The following MICALL2 variants were observed in gnomAD, a reference collection of about 807,000 sequenced individuals.
MICALL2 encodes MICAL-like protein 2.
In MICALL2, 111 loss-of-function variants were observed where a neutral mutation model predicts 91.1. The observed-to-expected ratio is 1.22, with a 90% CI of 1.04 to 1.43. The LOEUF (loss-of-function observed/expected upper bound fraction) is 1.43. MICALL2 is among the 40% of genes most tolerant of loss of function. The pLI is 0.00. For synonymous variants in MICALL2, 694 were observed against 525.3 expected (o/e 1.32, Z -4.39); for missense variants, 1,556 against 1,236.0 (o/e 1.26, Z -3.88).
At chr7:1,439,240 G>C in intron 9 of MICALL2, 2 of 520,342 alleles carry the variant, frequency 3.8e-6, no homozygotes, top group Non-Finnish European at 6.9e-6. Flanking sequence ...AGTGGCACGA[G>C]AGCTGGATAT....
At chr7:1,448,573 T>TG (rs772621240) in intron 3 of MICALL2, 47 bp downstream of exon 3, 1 of 1,603,576 alleles carries the variant, frequency 6.2e-7, no homozygotes, top group Non-Finnish European at 8.5e-7. Context: ...AGGCCAAGGA[T>TG]GGGGGGCCTG....
intron 2 of MICALL2, 85 bp downstream of exon 2, chr7:1,450,155 G>A: frequency 9.5e-7 from 1 of 1,052,682 alleles, no homozygotes; most frequent in African/African-American, 1.6e-5. Flanking sequence ...GCAGGGCCTG[G>A]GGGGAGTCCC....
chr7:1,438,958 G>A lies in MICALL2; in HGVS notation c.2004C>T (p.Ala668=), dbSNP rs145619232. 2.7e-5 allele frequency: 44 copies of A among 1,602,130 alleles called. No individual in the cohort carries two copies. Among genetic ancestry groups the A allele is most frequent in the Non-Finnish European group, 3.2e-5 (38 of 1,179,100 alleles). ...CACAAACGTCGAGGCTGGCAGGGACGGCCAGTCTCCTGCGGCGGGGTGGGG... is the reference window on the plus strand; with the variant it reads ...CACAAACGTCGAGGCTGGCAGGGACAGCCAGTCTCCTGCGGCGGGGTGGGG... The part of the protein sequence containing the change: ...SPSPPRRRRL[A]VPASLDVCDN... The change falls in exon 10 of 17, where the codon GCC becomes GCT. Residue 668 remains alanine, a synonymous_variant. Coordinates refer to ENST00000297508, the MANE Select transcript of MICALL2 (RefSeq NM_182924.4).
At chr7:1,439,493 CGT>C in intron 9 of MICALL2, 1 of 196,328 alleles carries the variant, frequency 5.1e-6, no homozygotes. Context: ...ACATGCATCA[CGT>C]GTGGGCACAC....
intron 2 of MICALL2, 35 bp from the exon 3 acceptor site, chr7:1,448,796 G>C: frequency 6.2e-7 from 1 of 1,608,694 alleles, no homozygotes; most frequent in Non-Finnish European, 8.5e-7. Context: ...CGGGGCAGCT[G>C]GGAGCCCCCT....
chr7:1,447,412 G>A (rs1215714850), intron 4 of MICALL2, among the ~76,000 whole-genome samples, 163 bp downstream of exon 4: 1 of 152,178 alleles, frequency 6.6e-6, no homozygotes, highest in Non-Finnish European at 1.5e-5. Context: ...GCCCTGGAGA[G>A]CCCGGTCCTG....
chr7:1,448,514 G>A, intron 3 of MICALL2, 106 bp downstream of exon 3: 4 of 857,572 alleles, frequency 4.7e-6, no homozygotes, highest in East Asian at 2.8e-5. Context: ...GGCCATTCTT[G>A]GGGGGGGGGC....
chr7:1,437,745 G>GC, intron 13 of MICALL2, 137 bp from the exon 14 acceptor site: 1 of 1,230,164 alleles, frequency 8.1e-7, no homozygotes, highest in Non-Finnish European at 1.2e-6. Flanking sequence ...CCCCCGCCTG[G>GC]CCCACCCAGA....
chr7:1,439,351 TCAC>T, intron 9 of MICALL2: 1 of 255,522 alleles, frequency 3.9e-6, no homozygotes, highest in Non-Finnish European at 7.5e-6. Context: ...CACACATGCA[TCAC>T]ATTCATGAAA....
intron 1 of MICALL2, 143 bp from the exon 2 acceptor site, chr7:1,450,431 A>C: frequency 1.4e-6 from 1 of 701,088 alleles, no homozygotes; most frequent in Non-Finnish European, 2.6e-6. Flanking sequence ...ACAGGACCAC[A>C]GGTGGGCAGA....
At position 1,435,977 on chromosome 7, in the gene MICALL2, T is replaced by G. The variant is rs1043793405; in HGVS notation, c.2591+765A>C. Among the ~76,000 whole-genome samples the G allele has an allele frequency of 4.0e-5, 6 of 149,732 alleles. No individual in the cohort carries two copies. In the South Asian group the frequency reaches 8.4e-4, roughly 21 times the overall value. The stretch of plus-strand genomic sequence containing the variant: ...TGAGGCAGGAGAATGGCATGAACCC[T>G]GGAGGCAGAGCTTGCAGTGAGCCGA... On this transcript the variant is annotated intron_variant, in intron 15 of 16. Transcript: ENST00000297508.
At chr7:1,440,185 A>G in intron 8 of MICALL2, 100 bp from the exon 9 acceptor site, 3 of 1,459,198 alleles carry the variant, frequency 2.1e-6, no homozygotes, top group Middle Eastern at 4.8e-4. Flanking sequence ...CGGAGGGAGC[A>G]GGTGGCCTTC....
chr7:1,446,944 G>T lies in MICALL2; in HGVS notation c.526-116C>A, dbSNP rs1223699765. The T allele has an allele frequency of 4.1e-6, 3 of 740,616 alleles. No homozygotes were observed. In the African/African-American group the frequency reaches 5.3e-5, roughly 13 times the overall value. The allele number at this position is 740,616 out of a possible 1,614,324, so 45.9% of individuals were successfully genotyped here. On this transcript the variant is annotated intron_variant, in intron 4 of 16. Coordinates refer to ENST00000297508, the MANE Select transcript of MICALL2 (RefSeq NM_182924.4). ...ACAGATGGAGAACTGGCCAGGAGAGGAGCCGCCAGCAGGGCTGCGGTCGGG... is the reference window on the plus strand; with the variant it reads ...ACAGATGGAGAACTGGCCAGGAGAGTAGCCGCCAGCAGGGCTGCGGTCGGG...
Position 1,447,724 on chromosome 7 carries a change from C to T in MICALL2, c.376G>A (p.Glu126Lys), listed in dbSNP as rs775711093. The change falls in exon 4 of 17, where the codon GAG becomes AAG. Residue 126 changes from glutamate (E) to lysine (K), a missense_variant. Physicochemically the swap from Glu to Lys is moderately conservative, Grantham distance 56 (BLOSUM62 1). Coordinates refer to ENST00000297508, the MANE Select transcript of MICALL2 (RefSeq NM_182924.4). ...GCCTTCTTCCCTGACGGCTCCTCCTCAGAGTCCTCCGAGGCCCTCTTCACG... is the reference window on the plus strand; with the variant it reads ...GCCTTCTTCCCTGACGGCTCCTCCTTAGAGTCCTCCGAGGCCCTCTTCACG... ...AGVKRASEDS[E>K]EEPSGKKAPV... 3.2e-5 allele frequency: 50 copies of T among 1,573,152 alleles called. 1 individual carries two copies. Among genetic ancestry groups the T allele is most frequent in the Non-Finnish European group, 4.2e-5 (49 of 1,160,276 alleles).
rs1189216388 is a variant in MICALL2 at position 1,451,217 on chromosome 7, C to T, written c.144-929G>A. ...GAGGACAGCCCCACGTGACCTCCAG[C>T]TGGTCCTGGGACTCCTGATGGGCAC... On this transcript the variant is annotated intron_variant, in intron 1 of 16. Transcript: ENST00000297508. The surrounding 1 kb of genome is among the most constrained non-coding windows in gnomAD (Gnocchi z 4.5). 6.6e-6 allele frequency among the ~76,000 whole-genome samples: 1 copy of T among 152,164 alleles called. No individual in the cohort carries two copies. Among genetic ancestry groups the T allele is most frequent in the Non-Finnish European group, 1.5e-5 (1 of 68,026 alleles).
At chr7:1,447,938 G>GTCCCCACTCCTTCCC (rs1406963028) in intron 3 of MICALL2, 173 bp from the exon 4 acceptor site, 2 of 469,434 alleles carry the variant, frequency 4.3e-6, no homozygotes, top group Non-Finnish European at 7.4e-6. Flanking sequence ...CCCCGGGTCG[G>GTCCCCACTCCTTCCC]TCCCCACTCC....
rs751696645 is a variant in MICALL2 at position 1,440,567 on chromosome 7, G to A, written c.1805+24C>T. Reference sequence around the variant, plus strand: ...AAGCACCTATGGTGTACCAGGCCCTGGGCCAGCCCCACCCATCCCTAACCT... The same window carrying A: ...AAGCACCTATGGTGTACCAGGCCCTAGGCCAGCCCCACCCATCCCTAACCT... On this transcript the variant is annotated intron_variant, in intron 8 of 16. Coordinates refer to ENST00000297508, the MANE Select transcript of MICALL2 (RefSeq NM_182924.4). The A allele has an allele frequency of 4.4e-6, 7 of 1,602,572 alleles. No individual in the cohort carries two copies. In the South Asian group the frequency reaches 5.5e-5, roughly 13 times the overall value.
At position 1,457,375 on chromosome 7, in the gene MICALL2, G is replaced by A. The variant is rs76708984; in HGVS notation, c.143+1809C>T. 3.7e-4 allele frequency among the ~76,000 whole-genome samples: 57 copies of A among 152,288 alleles called. No homozygotes were observed. The East Asian group carries it at 9.3e-3, about 25-fold the overall frequency. On this transcript the variant is annotated intron_variant, in intron 1 of 16. Transcript: ENST00000297508. ...CAGCTTGGGTAACTCCACACCCACC[G>A]GAGCTGGGGGCAGAGGGCCTCCTCT...
chr7:1,451,098 G>A lies in MICALL2; in HGVS notation c.144-810C>T, dbSNP rs1001902651. 2.6e-5 allele frequency among the ~76,000 whole-genome samples: 4 copies of A among 152,206 alleles called. No individual in the cohort carries two copies. The South Asian group carries it at 6.2e-4, about 24-fold the overall frequency. ...GAGGGCCCAGCCTCACCCCTGACTCGCACACTACACCACAGGGATGCAAGG... is the reference window on the plus strand; with the variant it reads ...GAGGGCCCAGCCTCACCCCTGACTCACACACTACACCACAGGGATGCAAGG... On this transcript the variant is annotated intron_variant, in intron 1 of 16. Coordinates refer to ENST00000297508, the MANE Select transcript of MICALL2 (RefSeq NM_182924.4). The surrounding 1 kb of genome is among the most constrained non-coding windows in gnomAD (Gnocchi z 4.5).
Sources: gnomAD v4.1 joint callset for allele counts (sites outside exome capture counted in the v4.1 genomes callset) on GRCh38, gnomAD v4.1.1 for gene constraint, Gnocchi (gnomAD v3.1) non-coding constraint, MANE v1.5 for transcripts, NCBI Gene and HGNC (gene_info 2026-07-23, HGNC 2026-07-21) for gene names.